ERAP1: variants seen among roughly 807,000 people sequenced by gnomAD.
ERAP1 encodes the protein adipocyte-derived leucine aminopeptidase.
In ERAP1, 86 loss-of-function variants were observed where a neutral mutation model predicts 103.7. The observed-to-expected ratio is 0.83, with a 90% CI of 0.70 to 0.99. The LOEUF (loss-of-function observed/expected upper bound fraction) is 0.99, where lower values mean the gene tolerates loss of function less well. Among genes scored for constraint, ERAP1 ranks in the 50% least tolerant of loss-of-function variants. ERAP1 has a pLI of 0.00. For missense variants in ERAP1, 1,009 were observed against 1,128.4 expected (o/e 0.89, Z 1.52); for synonymous variants, 398 against 402.4 (o/e 0.99, Z 0.13).
chr5:96,764,703 G>A (rs1334791764), intron 19 of ERAP1, among the ~76,000 whole-genome samples: 1 of 152,130 alleles, frequency 6.6e-6, no homozygotes, highest in African/African-American at 2.4e-5. Flanking sequence ...CACCCCTCAA[G>A]ATCTTAGAGT....
the ERAP1 span, chr5:96,896,449 C>G: frequency 6.2e-7 from 1 of 1,613,554 alleles, no homozygotes; most frequent in Non-Finnish European, 8.5e-7. Flanking sequence ...ATCTCCAAAC[C>G]AGCGGAAACC....
the ERAP1 span, among the ~76,000 whole-genome samples, chr5:96,864,489 G>A: frequency 6.6e-6 from 1 of 152,056 alleles, no homozygotes; most frequent in African/African-American, 2.4e-5. Context: ...GGTTTACTTT[G>A]CTATGTTTTG....
the ERAP1 span, among the ~76,000 whole-genome samples, chr5:96,861,610 A>G: frequency 2.0e-5 from 3 of 152,194 alleles, no homozygotes; most frequent in Non-Finnish European, 2.9e-5. Context: ...ATAAGCACTA[A>G]TATCTCTGGA....
Position 96,774,504 on chromosome 5 carries a change from T to A in ERAP1, c.*1892A>T. On this transcript the variant is annotated 3_prime_UTR_variant, in exon 19 of 19. Coordinates refer to ENST00000443439, the MANE Select transcript of ERAP1 (RefSeq NM_001040458.3). ...TCCACTTAGAGGCAAAGAACAATTTTTTATTATCAAAAAGGTTTCTGCACA... is the reference window on the plus strand; with the variant it reads ...TCCACTTAGAGGCAAAGAACAATTTATTATTATCAAAAAGGTTTCTGCACA... 1 of 986,570 alleles carries A rather than the reference T, an allele frequency of 1.0e-6. No homozygotes were observed. The highest frequency in any genetic ancestry group is 1.2e-6 in the Non-Finnish European group (1 of 829,752). The allele number at this position is 986,570 out of a possible 1,614,324, so 61.1% of individuals were successfully genotyped here.
chr5:96,846,135 GATTGTA>G, the ERAP1 span, among the ~76,000 whole-genome samples: 1 of 152,198 alleles, frequency 6.6e-6, no homozygotes, highest in Non-Finnish European at 1.5e-5. Context: ...GTTGCCCCAT[GATTGTA>G]ATGTATTCTC....
chr5:96,909,777 T>C, the ERAP1 span: 1 of 1,612,556 alleles, frequency 6.2e-7, no homozygotes, highest in Non-Finnish European at 8.5e-7. Flanking sequence ...AGATGTAGAC[T>C]TCTGTCCTAC....
At chr5:96,783,482 G>A (rs1036151068) in intron 14 of ERAP1, among the ~76,000 whole-genome samples, 1 of 152,078 alleles carries the variant, frequency 6.6e-6, no homozygotes, top group Admixed American at 6.5e-5. Flanking sequence ...GATGAATTGC[G>A]ACTTTTAAAA....
chr5:96,794,965 G>A, intron 5 of ERAP1, 77 bp downstream of exon 5: 1 of 1,551,602 alleles, frequency 6.4e-7, no homozygotes. Context: ...GCAACTACAG[G>A]GATGTGCCAA....
At chr5:96,844,396 C>G in the ERAP1 span, among the ~76,000 whole-genome samples, 1 of 152,220 alleles carries the variant, frequency 6.6e-6, no homozygotes, top group South Asian at 2.1e-4. Flanking sequence ...ACAACCCCCA[C>G]TGCCACCACC....
the ERAP1 span, among the ~76,000 whole-genome samples, chr5:96,933,611 A>G: frequency 1.3e-5 from 2 of 152,270 alleles, no homozygotes; most frequent in South Asian, 4.1e-4. Flanking sequence ...AAAACAAAAC[A>G]CAAGGTAACA....
chr5:96,811,137 G>C (rs76753097), upstream of ERAP1, among the ~76,000 whole-genome samples: 1 of 151,920 alleles, frequency 6.6e-6, no homozygotes, highest in African/African-American at 2.4e-5. Context: ...CCTCATTCTT[G>C]ATATTCTTGA....
chr5:96,768,022 ACTCTT>A, intron 19 of ERAP1: 6 of 1,467,382 alleles, frequency 4.1e-6, no homozygotes, highest in Non-Finnish European at 5.7e-6. Context: ...TTCACATTTC[ACTCTT>A]TGAAATGTGT....
At chr5:96,792,681 C>G (rs930247576) in intron 7 of ERAP1, among the ~76,000 whole-genome samples, 1 of 151,986 alleles carries the variant, frequency 6.6e-6, no homozygotes, top group Admixed American at 6.6e-5. Flanking sequence ...CATGTAGAAA[C>G]ATAAGAAAAT....
Position 96,781,843 on chromosome 5 carries a change from T to A in ERAP1, c.2297A>T (p.Asp766Val). ...CACAGCAAACACTGCCAAGGTCACG[T>A]CGACAGGCAGGCTATAGAAAGGAAC... Reference protein sequence around the residue: ...ESNGNLSLPVDVTLAVFAVGA... With the variant: ...ESNGNLSLPVVVTLAVFAVGA... The change falls in exon 16 of 19, where the codon GAC (aspartate) becomes GTC (valine). Residue 766 changes from aspartate to valine, a missense_variant. By Grantham distance (152) the Asp-to-Val change is radical (BLOSUM62 -3). Transcript: ENST00000443439. 1 of 1,613,890 alleles carries A rather than the reference T, an allele frequency of 6.2e-7. No individual in the cohort carries two copies. The highest frequency in any genetic ancestry group is 8.5e-7 in the Non-Finnish European group (1 of 1,179,966).
Position 96,793,922 on chromosome 5 carries a change from T to G in ERAP1, c.955A>C (p.Met319Leu). ...AAIPDFQSGA[M>L]ENWGLTTYRE... The stretch of plus-strand genomic sequence containing the variant: ...TATGTTGTCAGTCCCCAGTTTTCCA[T>G]AGCACCAGACTGAAAGTCGGGAATA... The change falls in exon 6 of 19, where the codon ATG becomes CTG. Residue 319 changes from methionine (M) to leucine (L), a missense_variant. Physicochemically the swap from Met to Leu is conservative, Grantham distance 15. Coordinates refer to ENST00000443439, the MANE Select transcript of ERAP1 (RefSeq NM_001040458.3). 1 of 1,614,162 alleles carries G rather than the reference T, an allele frequency of 6.2e-7. No homozygotes were observed. Among genetic ancestry groups the G allele is most frequent in the South Asian group, 1.1e-5 (1 of 91,086 alleles).
At chr5:96,889,933 C>T in the ERAP1 span, among the ~76,000 whole-genome samples, 1 of 152,006 alleles carries the variant, frequency 6.6e-6, no homozygotes, top group Non-Finnish European at 1.5e-5. Flanking sequence ...GGTCAGCAAT[C>T]TTTTATAAAA....
At chr5:96,817,692 CA>C in the ERAP1 span, among the ~76,000 whole-genome samples, 4 of 152,222 alleles carry the variant, frequency 2.6e-5, no homozygotes, top group African/African-American at 9.6e-5. Flanking sequence ...TGCCATGATC[CA>C]GGAGCCATCT....
At chr5:96,901,395 CTTCTG>C in the ERAP1 span, 1 of 1,214,228 alleles carries the variant, frequency 8.2e-7, no homozygotes, top group Non-Finnish European at 1.2e-6. Context: ...CAGTCCGAGT[CTTCTG>C]TTCCCCAAGC....
downstream of ERAP1, chr5:96,774,461 A>G: frequency 2.1e-6 from 2 of 971,362 alleles, no homozygotes; most frequent in Non-Finnish European, 2.5e-6. Flanking sequence ...GTTAGGAGAG[A>G]GAAAATAATT....
Sources: gnomAD v4.1 joint callset for allele counts (sites outside exome capture counted in the v4.1 genomes callset) on GRCh38, gnomAD v4.1.1 for gene constraint, MANE v1.5 for transcripts, NCBI Gene and HGNC (gene_info 2026-07-23, HGNC 2026-07-21) for gene names.